Variants in SOX5 observed in about 807,000 individuals in gnomAD.
The protein encoded by SOX5 is transcription factor SOX-5.
Under a neutral mutation model 92.0 loss-of-function variants are expected in SOX5, and 9 were observed. The ratio of observed to expected loss-of-function variants is 0.10; its 90% CI spans 0.06 to 0.17. The LOEUF (loss-of-function observed/expected upper bound fraction) is 0.17, where lower values mean the gene tolerates loss of function less well. Ranked by LOEUF, SOX5 falls within the 10% of genes least tolerant of loss-of-function variation. The pLI is 1.00. For missense variants in SOX5, 642 were observed against 944.5 expected (o/e 0.68, Z 4.20); for synonymous variants, 344 against 336.3 (o/e 1.02, Z -0.25).
chr12:23,564,588 C>A, intron 10 of SOX5, among the ~76,000 whole-genome samples: 1 of 152,290 alleles, frequency 6.6e-6, no homozygotes, highest in African/African-American at 2.4e-5. Context: ...AAACTTTACA[C>A]CCTAATCCAT....
intron 3 of SOX5, among the ~76,000 whole-genome samples, chr12:23,827,887 C>T (rs1278285316): frequency 1.3e-5 from 2 of 152,154 alleles, no homozygotes; most frequent in African/African-American, 2.4e-5. Context: ...CAATATTTCA[C>T]CAGATTACTG....
chr12:24,167,860 G>C (rs1160089684), intron 4 of SOX5, among the ~76,000 whole-genome samples: 4 of 152,140 alleles, frequency 2.6e-5, no homozygotes, highest in Non-Finnish European at 5.9e-5. Flanking sequence ...GTTTGCAGAA[G>C]GGCAAGGTGG....
chr12:23,989,450 A>T lies in SOX5; in HGVS notation c.-1-93426T>A, dbSNP rs560840698. ...GACTTTTAGTATGATTGACTGTAGG[A>T]TATTGAATGGACAGTTTATAAACAT... is the stretch of plus-strand genomic sequence containing the variant. On this transcript the variant is annotated intron_variant, in intron 4 of 4. Coordinates refer to the SOX5 transcript ENST00000446891. Among the ~76,000 whole-genome samples the T allele has an allele frequency of 4.6e-5, 7 of 152,138 alleles. No homozygotes were observed. In the East Asian group the frequency reaches 1.4e-3, roughly 29 times the overall value.
chr12:24,195,857 C>A (rs1349557918), intron 4 of SOX5, among the ~76,000 whole-genome samples: 1 of 152,018 alleles, frequency 6.6e-6, no homozygotes, highest in African/African-American at 2.4e-5. Flanking sequence ...TATATAGTCT[C>A]CATACATAAA....
intron 2 of SOX5, among the ~76,000 whole-genome samples, chr12:23,889,584 T>A (rs2097107251): frequency 6.6e-6 from 1 of 152,178 alleles, no homozygotes; most frequent in Non-Finnish European, 1.5e-5. Flanking sequence ...AGCCTCTCTA[T>A]CATGTGCATT....
chr12:23,859,513 C>G (rs2096730868), intron 2 of SOX5, among the ~76,000 whole-genome samples: 1 of 152,152 alleles, frequency 6.6e-6, no homozygotes, highest in Non-Finnish European at 1.5e-5. Context: ...TTTATCAGGA[C>G]AACGTGTGCC....
Position 24,348,434 on chromosome 12 carries a change from G to C in SOX5, c.-174+20129C>G, listed in dbSNP as rs182142786. On this transcript the variant is annotated intron_variant, in intron 2 of 4. Coordinates refer to the SOX5 transcript ENST00000446891. The stretch of plus-strand genomic sequence containing the variant: ...GGCTCACTCTGTTGCCCAGGCTGGA[G>C]AGCAGTGGCGTGATCTTGGCTCACT... Among the ~76,000 whole-genome samples the C allele has an allele frequency of 5.3e-5, 8 of 151,706 alleles. No individual in the cohort carries two copies. The East Asian group carries it at 1.4e-3, about 26-fold the overall frequency.
At chr12:24,216,025 T>G (rs542801448) in intron 3 of SOX5, among the ~76,000 whole-genome samples, 11 of 152,296 alleles carry the variant, frequency 7.2e-5, no homozygotes, top group Admixed American at 6.5e-4. Flanking sequence ...GTCATATAAG[T>G]ATTAATATAT....
intron 8 of SOX5, chr12:23,632,069 T>C (rs1286027045): frequency 6.6e-6 from 1 of 152,174 alleles, no homozygotes; most frequent in Non-Finnish European, 1.5e-5. Context: ...TTCTTTAGTA[T>C]GCAAAATGTC....
intron 1 of SOX5, among the ~76,000 whole-genome samples, chr12:24,373,484 C>T (rs1288844852): frequency 6.6e-6 from 1 of 152,160 alleles, no homozygotes; most frequent in Non-Finnish European, 1.5e-5. Context: ...TTTTCTTAAA[C>T]ATATGCAAGG....
intron 3 of SOX5, among the ~76,000 whole-genome samples, chr12:24,257,827 T>C (rs1017407794): frequency 6.6e-6 from 1 of 152,084 alleles, no homozygotes; most frequent in Middle Eastern, 3.2e-3. Flanking sequence ...CAGTTGATGG[T>C]GCTTTTAATT....
At chr12:24,146,633 A>G (rs748496591) in intron 4 of SOX5, among the ~76,000 whole-genome samples, 2 of 152,042 alleles carry the variant, frequency 1.3e-5, no homozygotes, top group Non-Finnish European at 2.9e-5. Flanking sequence ...AAATTCAATG[A>G]AACAAAAAAT....
At chr12:24,384,115 CTA>C (rs1274250524) in intron 1 of SOX5, among the ~76,000 whole-genome samples, 3 of 152,174 alleles carry the variant, frequency 2.0e-5, no homozygotes, top group Non-Finnish European at 4.4e-5. Flanking sequence ...CCATGCAGAG[CTA>C]TGAGTCAATT....
At chr12:24,328,962 T>G (rs1158150006) in intron 2 of SOX5, among the ~76,000 whole-genome samples, 2 of 152,174 alleles carry the variant, frequency 1.3e-5, no homozygotes, top group East Asian at 3.8e-4. Flanking sequence ...ATACAAAATA[T>G]TTCTATTGGT....
intron 6 of SOX5, among the ~76,000 whole-genome samples, chr12:23,678,810 C>G (rs1808062271): frequency 6.6e-6 from 1 of 152,028 alleles, no homozygotes; most frequent in Non-Finnish European, 1.5e-5. Context: ...GGCCAGCCTA[C>G]CTACAAACTA....
chr12:23,870,402 C>T (rs1354618318), intron 2 of SOX5, among the ~76,000 whole-genome samples: 2 of 152,020 alleles, frequency 1.3e-5, no homozygotes, highest in Non-Finnish European at 2.9e-5. Context: ...CCAAACCTTT[C>T]CCCTAAACCA....
At chr12:24,281,792 C>A (rs1215533680) in intron 2 of SOX5, among the ~76,000 whole-genome samples, 1 of 152,182 alleles carries the variant, frequency 6.6e-6, no homozygotes, top group Non-Finnish European at 1.5e-5. Flanking sequence ...TATATTATTT[C>A]ATTTCTTTCT....
intron 4 of SOX5, among the ~76,000 whole-genome samples, chr12:24,132,263 G>A (rs1039228): frequency 6.6e-6 from 1 of 152,032 alleles, no homozygotes; most frequent in Non-Finnish European, 1.5e-5. Context: ...GAATGATCCT[G>A]CTATGTATAT....
chr12:23,619,122 AC>A (rs1411514889), intron 8 of SOX5, among the ~76,000 whole-genome samples: 2 of 152,170 alleles, frequency 1.3e-5, no homozygotes, highest in African/African-American at 4.8e-5. Context: ...ACTGCTTCCT[AC>A]GGATTCCGCT....
Sources: allele counts gnomAD v4.1 joint callset (sites outside exome capture counted in the v4.1 genomes callset), GRCh38; gene constraint gnomAD v4.1.1; transcripts MANE v1.5; gene names NCBI Gene and HGNC (gene_info 2026-07-23, HGNC 2026-07-21).